FER: variants seen among roughly 807,000 people sequenced by gnomAD.
FER encodes FER tyrosine kinase.
FER carries 63 observed loss-of-function variants against 111.0 expected under a neutral mutation model. The observed-to-expected ratio is 0.57, with a 90% CI of 0.46 to 0.70. The LOEUF is 0.70. Ranked by LOEUF, FER falls within the 30% of genes least tolerant of loss-of-function variation. FER has a pLI of 0.00. For missense variants in FER, 914 were observed against 954.0 expected (o/e 0.96, Z 0.55); for synonymous variants, 327 against 313.9 (o/e 1.04, Z -0.44).
At chr5:108,844,067 T>TGTGTGTGAACATATATGC (rs1491281597) in intron 5 of FER, among the ~76,000 whole-genome samples, 2 of 145,502 alleles carry the variant, frequency 1.4e-5, no homozygotes, top group Admixed American at 1.4e-4. Context: ...AACATATATA[T>TGTGTGTGAACATATATGC]GTGTGTGAAC....
chr5:109,048,481 T>A (rs545083790), intron 16 of FER, among the ~76,000 whole-genome samples: 1 of 152,314 alleles, frequency 6.6e-6, no homozygotes, highest in East Asian at 1.9e-4. Context: ...GAAAGGTGAT[T>A]CTGGTCTTAC....
intron 16 of FER, among the ~76,000 whole-genome samples, chr5:109,089,688 C>T (rs1173320886): frequency 6.6e-6 from 1 of 152,182 alleles, no homozygotes; most frequent in African/African-American, 2.4e-5. Context: ...GTGAAAAAAG[C>T]AGTTTGACTT....
At chr5:108,911,647 G>A (rs1465389371) in intron 10 of FER, among the ~76,000 whole-genome samples, 4 of 152,104 alleles carry the variant, frequency 2.6e-5, no homozygotes, top group African/African-American at 9.7e-5. Flanking sequence ...TGTATATGGT[G>A]AGAGATAGGG....
chr5:109,154,506 A>G (rs751132325), intron 17 of FER, among the ~76,000 whole-genome samples: 16 of 151,946 alleles, frequency 1.1e-4, no homozygotes, highest in Non-Finnish European at 1.8e-4. Context: ...TAAGATGAAC[A>G]TGGAAGAATG....
chr5:108,813,516 C>A (rs73780584), intron 3 of FER, among the ~76,000 whole-genome samples: 1 of 152,030 alleles, frequency 6.6e-6, no homozygotes, highest in East Asian at 1.9e-4. Context: ...ACCCTGATTA[C>A]GTATGGATTT....
intron 3 of FER, among the ~76,000 whole-genome samples, chr5:108,813,113 ATTTT>A (rs1328140586): frequency 6.6e-6 from 1 of 151,418 alleles, no homozygotes; most frequent in Non-Finnish European, 1.5e-5. Flanking sequence ...ATTGAAAAAA[ATTTT>A]TTTTTAGGTT....
chr5:108,792,507 T>C (rs1401238278), intron 2 of FER, among the ~76,000 whole-genome samples: 1 of 152,032 alleles, frequency 6.6e-6, no homozygotes, highest in African/African-American at 2.4e-5. Flanking sequence ...ACGGCTAATT[T>C]TGTATTTTTA....
chr5:108,872,561 T>A (rs1310201668), intron 8 of FER, among the ~76,000 whole-genome samples: 2 of 152,120 alleles, frequency 1.3e-5, no homozygotes, highest in African/African-American at 4.8e-5. Flanking sequence ...TGTTTACTGT[T>A]AGAGATAAGA....
At chr5:109,071,944 T>C (rs1361364078) in intron 16 of FER, among the ~76,000 whole-genome samples, 1 of 151,878 alleles carries the variant, frequency 6.6e-6, no homozygotes, top group Admixed American at 6.6e-5. Context: ...GCTAGTGATA[T>C]ATAACATTTT....
At chr5:108,900,366 C>T (rs373585378) in intron 10 of FER, among the ~76,000 whole-genome samples, 9 of 152,042 alleles carry the variant, frequency 5.9e-5, no homozygotes, top group African/African-American at 1.2e-4. Context: ...TACTTGGAAA[C>T]GAAAACAATC....
At chr5:109,048,698 CCTT>C (rs1772330379) in intron 16 of FER, among the ~76,000 whole-genome samples, 1 of 152,104 alleles carries the variant, frequency 6.6e-6, no homozygotes, top group African/African-American at 2.4e-5. Context: ...GAAAATGAAA[CCTT>C]CTACTCAACA....
chr5:108,761,528 T>C (rs1470949178), intron 1 of FER, among the ~76,000 whole-genome samples: 1 of 152,102 alleles, frequency 6.6e-6, no homozygotes, highest in Non-Finnish European at 1.5e-5. Flanking sequence ...ATATCAAAGA[T>C]CACTGATCAC....
chr5:109,016,640 A>G (rs148837072), intron 13 of FER, among the ~76,000 whole-genome samples: 1 of 152,206 alleles, frequency 6.6e-6, no homozygotes, highest in East Asian at 1.9e-4. Flanking sequence ...TTGTCAAACA[A>G]AAAGCTTTTG....
At chr5:108,976,027 C>T (rs530579108) in intron 13 of FER, among the ~76,000 whole-genome samples, 1 of 152,212 alleles carries the variant, frequency 6.6e-6, no homozygotes, top group South Asian at 2.1e-4. Flanking sequence ...GAAGCAACCT[C>T]AGGGCCACAG....
chr5:108,759,720 G>C (rs1279470938), intron 1 of FER, among the ~76,000 whole-genome samples: 1 of 152,208 alleles, frequency 6.6e-6, no homozygotes, highest in Non-Finnish European at 1.5e-5. Flanking sequence ...TGGCAGAAGA[G>C]AAGAGAACAC....
At chr5:108,924,539 T>C (rs1287281184) in intron 10 of FER, 1 of 1,126,826 alleles carries the variant, frequency 8.9e-7, no homozygotes, top group African/African-American at 1.6e-5. Context: ...GGGGAGATAG[T>C]ATGAAATAGG....
At chr5:108,824,809 C>G (rs947075248) in intron 3 of FER, among the ~76,000 whole-genome samples, 1 of 151,900 alleles carries the variant, frequency 6.6e-6, no homozygotes, top group Non-Finnish European at 1.5e-5. Context: ...GGGGACCTGC[C>G]CCGATAATCA....
intron 10 of FER, among the ~76,000 whole-genome samples, chr5:108,914,527 G>T (rs1164170119): frequency 6.6e-6 from 1 of 152,104 alleles, no homozygotes; most frequent in Non-Finnish European, 1.5e-5. Context: ...TTTGGGCAAA[G>T]GATTTTTGTC....
At chr5:109,003,626 ATT>A (rs1368861234) in intron 13 of FER, among the ~76,000 whole-genome samples, 4 of 152,032 alleles carry the variant, frequency 2.6e-5, no homozygotes, top group Non-Finnish European at 5.9e-5. Context: ...TAATAATAAA[ATT>A]AAAAAAATAA....
Sources: allele counts gnomAD v4.1 joint callset (sites outside exome capture counted in the v4.1 genomes callset), GRCh38; gene constraint gnomAD v4.1.1; transcripts MANE v1.5; gene names NCBI Gene and HGNC (gene_info 2026-07-23, HGNC 2026-07-21).